UNC5D: variants seen among roughly 807,000 people sequenced by gnomAD.
UNC5D encodes the protein unc-5 netrin receptor D.
In UNC5D, 39 loss-of-function variants were observed where a neutral mutation model predicts 105.4. The ratio of observed to expected loss-of-function variants is 0.37; its 90% CI spans 0.29 to 0.48. The LOEUF is 0.48. UNC5D is among the 20% of genes least tolerant of loss of function. The pLI is 0.98. For missense variants in UNC5D, 991 were observed against 1,202.4 expected (o/e 0.82, Z 2.60); for synonymous variants, 452 against 450.4 (o/e 1.00, Z -0.04).
At chr8:35,507,347 G>A (rs1182557447) in intron 1 of UNC5D, among the ~76,000 whole-genome samples, 7 of 152,186 alleles carry the variant, frequency 4.6e-5, no homozygotes, top group Non-Finnish European at 8.8e-5. Context: ...GAGCCACCGC[G>A]CCGGCCCAGG....
chr8:35,361,460 G>A (rs1585667662), intron 1 of UNC5D, among the ~76,000 whole-genome samples: 1 of 152,004 alleles, frequency 6.6e-6, no homozygotes, highest in South Asian at 2.1e-4. Flanking sequence ...GACAAAAGTC[G>A]CAAAAAAGGT....
At chr8:35,467,598 A>G (rs1809402764) in intron 1 of UNC5D, among the ~76,000 whole-genome samples, 1 of 142,226 alleles carries the variant, frequency 7.0e-6, no homozygotes, top group Non-Finnish European at 1.5e-5. Flanking sequence ...AAAAGAAGAA[A>G]AAATCAGACT....
chr8:35,757,702 G>A (rs1830577320), intron 13 of UNC5D, among the ~76,000 whole-genome samples: 1 of 152,108 alleles, frequency 6.6e-6, no homozygotes, highest in Admixed American at 6.6e-5. Flanking sequence ...AGCTCTGATG[G>A]AAATTTAGTA....
intron 1 of UNC5D, among the ~76,000 whole-genome samples, chr8:35,365,902 T>A (rs1351261601): frequency 2.0e-5 from 3 of 152,192 alleles, no homozygotes; most frequent in Non-Finnish European, 2.9e-5. Flanking sequence ...ACCTGTGGTT[T>A]ACATTAACTA....
chr8:35,688,192 A>C (rs189173447), intron 7 of UNC5D, among the ~76,000 whole-genome samples: 15 of 152,016 alleles, frequency 9.9e-5, no homozygotes, highest in Admixed American at 7.9e-4. Flanking sequence ...CTGAGCACTT[A>C]CTTCTCTAGA....
chr8:35,728,095 A>AAAAAAAAAAAAATAT (rs34672872), intron 10 of UNC5D, among the ~76,000 whole-genome samples: 1 of 110,364 alleles, frequency 9.1e-6, no homozygotes, highest in Admixed American at 1.0e-4. Flanking sequence ...AAAAAAAAAA[A>AAAAAAAAAAAAATAT]ATATATATAT....
intron 1 of UNC5D, among the ~76,000 whole-genome samples, chr8:35,317,933 A>G (rs1229273213): frequency 1.7e-5 from 2 of 116,180 alleles, no homozygotes; most frequent in Non-Finnish European, 2.0e-5. Context: ...GGCACTGCCA[A>G]CCCTTGTTCT....
intron 11 of UNC5D, 47 bp from the exon 12 acceptor site, chr8:35,748,480 C>A: frequency 1.3e-6 from 2 of 1,565,460 alleles, no homozygotes; most frequent in Non-Finnish European, 1.7e-6. Context: ...CAAATATGGC[C>A]CCTCCTCTAC....
At chr8:35,439,442 A>T (rs1222180813) in intron 1 of UNC5D, among the ~76,000 whole-genome samples, 1 of 152,206 alleles carries the variant, frequency 6.6e-6, no homozygotes, top group East Asian at 1.9e-4. Flanking sequence ...CTGCATAAAC[A>T]TTTCGTGCCA....
chr8:35,467,851 G>A (rs138614816), intron 1 of UNC5D, among the ~76,000 whole-genome samples: 113 of 152,208 alleles, frequency 7.4e-4, no homozygotes, highest in African/African-American at 2.7e-3. Flanking sequence ...ATGGCTAGAT[G>A]ATCACTTTTT....
intron 13 of UNC5D, among the ~76,000 whole-genome samples, chr8:35,753,803 CTT>C (rs1313589831): frequency 2.0e-5 from 3 of 152,208 alleles, no homozygotes; most frequent in African/African-American, 7.2e-5. Context: ...GCTTGAATAA[CTT>C]TTCTGGCCCA....
At chr8:35,634,619 G>A (rs1157908403) in intron 4 of UNC5D, among the ~76,000 whole-genome samples, 1 of 152,100 alleles carries the variant, frequency 6.6e-6, no homozygotes, top group African/African-American at 2.4e-5. Context: ...GTTTTGAAAG[G>A]TTACAAATAC....
At chr8:35,267,100 T>TG (rs398038622) in intron 1 of UNC5D, among the ~76,000 whole-genome samples, 1 of 150,660 alleles carries the variant, frequency 6.6e-6, no homozygotes, top group Non-Finnish European at 1.5e-5. Context: ...TTTTTTTTTT[T>TG]GATGAGCCGT....
intron 1 of UNC5D, among the ~76,000 whole-genome samples, chr8:35,500,705 C>A (rs1811906526): frequency 6.6e-6 from 1 of 152,120 alleles, no homozygotes. Flanking sequence ...TGGTTATTAT[C>A]CTCATATTTA....
intron 4 of UNC5D, among the ~76,000 whole-genome samples, chr8:35,616,739 T>G (rs191191312): frequency 3.3e-4 from 50 of 152,332 alleles, no homozygotes; most frequent in Admixed American, 1.8e-3. Context: ...ATATAAAATT[T>G]GCACGTTGTG....
At chr8:35,413,751 C>T (rs1010594931) in intron 1 of UNC5D, among the ~76,000 whole-genome samples, 1 of 152,078 alleles carries the variant, frequency 6.6e-6, no homozygotes, top group Non-Finnish European at 1.5e-5. Context: ...TGTACAAGTA[C>T]TGAGACTGGC....
At chr8:35,420,245 A>G (rs1805807552) in intron 1 of UNC5D, among the ~76,000 whole-genome samples, 2 of 152,152 alleles carry the variant, frequency 1.3e-5, no homozygotes. Flanking sequence ...TGAAGAAGCT[A>G]CAGAGCTTTT....
At chr8:35,580,361 C>T (rs1818398713) in intron 3 of UNC5D, among the ~76,000 whole-genome samples, 1 of 152,006 alleles carries the variant, frequency 6.6e-6, no homozygotes, top group South Asian at 2.1e-4. Flanking sequence ...AAGGAGCAGG[C>T]TGTTATGAGA....
At chr8:35,428,921 A>T (rs183562515) in intron 1 of UNC5D, among the ~76,000 whole-genome samples, 96 of 152,220 alleles carry the variant, frequency 6.3e-4, no homozygotes, top group African/African-American at 2.2e-3. Flanking sequence ...AAAAATAAGT[A>T]GACAATTCAC....
Sources: gnomAD v4.1 joint callset for allele counts (sites outside exome capture counted in the v4.1 genomes callset) on GRCh38, gnomAD v4.1.1 for gene constraint, MANE v1.5 for transcripts, NCBI Gene and HGNC (gene_info 2026-07-23, HGNC 2026-07-21) for gene names.